KCNB2: variants seen among roughly 807,000 people sequenced by gnomAD.
The protein encoded by KCNB2 is delayed rectifier potassium channel protein.
Under a neutral mutation model 61.5 loss-of-function variants are expected in KCNB2, and 15 were observed. The ratio of observed to expected loss-of-function variants is 0.24; its 90% CI spans 0.16 to 0.38. The LOEUF is 0.38. Ranked by LOEUF, KCNB2 falls within the 10% of genes least tolerant of loss-of-function variation. The pLI, the probability that KCNB2 is intolerant of heterozygous loss-of-function variation, is 1.00. For missense variants in KCNB2, 828 were observed against 1,125.2 expected (o/e 0.74, Z 3.78); for synonymous variants, 457 against 446.0 (o/e 1.02, Z -0.31).
At chr8:72,653,946 A>T (rs1806251060) in intron 2 of KCNB2, among the ~76,000 whole-genome samples, 1 of 152,206 alleles carries the variant, frequency 6.6e-6, no homozygotes, top group Non-Finnish European at 1.5e-5. Context: ...TCTAATTTAG[A>T]GCAATTCATA....
chr8:72,719,965 GGC>G (rs1176410909), intron 2 of KCNB2, among the ~76,000 whole-genome samples: 4 of 152,178 alleles, frequency 2.6e-5, no homozygotes, highest in African/African-American at 7.2e-5. Flanking sequence ...AACCCTCAGA[GGC>G]TCTGAAGCAT....
chr8:72,933,079 G>T (rs1351741958), intron 2 of KCNB2, among the ~76,000 whole-genome samples: 1 of 152,164 alleles, frequency 6.6e-6, no homozygotes, highest in Non-Finnish European at 1.5e-5. Context: ...TTTCTTTAAC[G>T]TGAATATGGA....
chr8:72,647,026 G>A (rs1186861810), intron 2 of KCNB2, among the ~76,000 whole-genome samples: 1 of 152,092 alleles, frequency 6.6e-6, no homozygotes, highest in African/African-American at 2.4e-5. Flanking sequence ...AAAATGGAAC[G>A]GAGGGTTTCC....
intron 2 of KCNB2, among the ~76,000 whole-genome samples, chr8:72,617,293 C>T (rs1805634528): frequency 6.6e-6 from 1 of 152,128 alleles, no homozygotes; most frequent in Admixed American, 6.5e-5. Context: ...TGGAAGAAAA[C>T]ACTCTTATTT....
chr8:72,863,524 A>G (rs1156862775), intron 2 of KCNB2, among the ~76,000 whole-genome samples: 2 of 152,240 alleles, frequency 1.3e-5, no homozygotes, highest in African/African-American at 2.4e-5. Context: ...CAGCATCCCT[A>G]TCAGCAGTGC....
chr8:72,903,323 G>A (rs561547672), intron 2 of KCNB2, among the ~76,000 whole-genome samples: 1 of 152,272 alleles, frequency 6.6e-6, no homozygotes, highest in East Asian at 1.9e-4. Context: ...GTCCTGGCAG[G>A]GACTGCTGGT....
chr8:72,896,006 C>T (rs768066291), intron 2 of KCNB2, among the ~76,000 whole-genome samples: 3 of 151,960 alleles, frequency 2.0e-5, no homozygotes, highest in South Asian at 4.2e-4. Context: ...GGCATAATAT[C>T]CTTGAGCCTT....
rs193181504 is a variant in KCNB2 at position 72,891,619 on chromosome 8, C to T, written c.580-44316C>T. On this transcript the variant is annotated intron_variant, in intron 2 of 2. Coordinates refer to ENST00000523207, the MANE Select transcript of KCNB2 (RefSeq NM_004770.3). ...CCATTTTGGCACTTAAGTACAACAC[C>T]TAAACTGCAGACAGAACTTCGATGA... is the stretch of plus-strand genomic sequence containing the variant. Among the ~76,000 whole-genome samples, 25 of 152,292 alleles carry T rather than the reference C, an allele frequency of 1.6e-4. 1 individual carries two copies. Among genetic ancestry groups the T allele is most frequent in the Admixed American group, 1.6e-3 (24 of 15,294 alleles).
intron 2 of KCNB2, among the ~76,000 whole-genome samples, chr8:72,914,927 CAG>C (rs1287227214): frequency 1.4e-5 from 2 of 143,118 alleles, no homozygotes; most frequent in Non-Finnish European, 3.0e-5. Context: ...TTTTTTGAGA[CAG>C]AGTCTCATTC....
At chr8:72,574,578 T>C (rs1199060263) in intron 2 of KCNB2, among the ~76,000 whole-genome samples, 2 of 152,226 alleles carry the variant, frequency 1.3e-5, no homozygotes, top group East Asian at 3.8e-4. Flanking sequence ...AGGGCCAGTC[T>C]TAATTTCCAA....
chr8:72,577,147 G>T (rs1585762008), intron 2 of KCNB2, among the ~76,000 whole-genome samples: 1 of 152,036 alleles, frequency 6.6e-6, no homozygotes, highest in Non-Finnish European at 1.5e-5. Context: ...TTAAGTAAAA[G>T]AATTCCTCTG....
At chr8:72,752,846 A>C (rs1216801765) in intron 2 of KCNB2, among the ~76,000 whole-genome samples, 3 of 152,214 alleles carry the variant, frequency 2.0e-5, no homozygotes, top group Non-Finnish European at 4.4e-5. Flanking sequence ...GATATCACAC[A>C]CACTCTACTC....
At chr8:72,709,468 C>T (rs1807289318) in intron 2 of KCNB2, among the ~76,000 whole-genome samples, 1 of 151,712 alleles carries the variant, frequency 6.6e-6, no homozygotes, top group Non-Finnish European at 1.5e-5. Context: ...ACGGTGCCGG[C>T]ATCTGCTTGG....
chr8:72,613,661 T>C (rs991397515), intron 2 of KCNB2, among the ~76,000 whole-genome samples: 2 of 152,222 alleles, frequency 1.3e-5, no homozygotes, highest in Non-Finnish European at 2.9e-5. Flanking sequence ...ACATTGGTCT[T>C]TCCTAGCCAC....
chr8:72,870,389 T>C (rs569632602), intron 2 of KCNB2, among the ~76,000 whole-genome samples: 1 of 152,338 alleles, frequency 6.6e-6, no homozygotes, highest in South Asian at 2.1e-4. Context: ...AATTGTATAA[T>C]TGCATTGAGA....
At position 72,568,029 on chromosome 8, in the gene KCNB2, A is replaced by G. The variant is rs747398077; in HGVS notation, c.295A>G (p.Ile99Val). The G allele has an allele frequency of 3.7e-6, 6 of 1,614,004 alleles. No individual in the cohort carries two copies. In the Admixed American group the frequency reaches 5.0e-5, roughly 13 times the overall value. ...TCGGCATCCAGGAGCCTTCACTTCC[A>G]TTTTAAATTTCTACCGGACCGGGAA... ...FDRHPGAFTS[I>V]LNFYRTGKLH... Residue 99 changes from isoleucine to valine, a missense_variant, in exon 2 of 3, where the codon ATT becomes GTT. Around this residue, in one of 4 missense-constraint regions of KCNB2, gnomAD observed 163 missense variants for 314.4 expected, o/e 0.52. Coordinates refer to ENST00000523207, the MANE Select transcript of KCNB2 (RefSeq NM_004770.3).
At chr8:72,890,704 A>G (rs1361357429) in intron 2 of KCNB2, among the ~76,000 whole-genome samples, 1 of 152,210 alleles carries the variant, frequency 6.6e-6, no homozygotes, top group Non-Finnish European at 1.5e-5. Flanking sequence ...ACTGAGGCTC[A>G]GAGAAGTCAG....
intron 2 of KCNB2, among the ~76,000 whole-genome samples, chr8:72,715,354 C>G (rs1284042528): frequency 6.6e-6 from 1 of 152,078 alleles, no homozygotes; most frequent in Non-Finnish European, 1.5e-5. Context: ...TCAACAGAAT[C>G]TACATTCTTT....
chr8:72,690,038 T>TA (rs5892360), intron 2 of KCNB2, among the ~76,000 whole-genome samples: 1,916 of 148,592 alleles, frequency 0.013, 28 homozygotes, highest in African/African-American at 0.04. Flanking sequence ...GCCCTCGCCA[T>TA]AAAAAAAAAA....
Sources: gnomAD v4.1 joint callset for allele counts (sites outside exome capture counted in the v4.1 genomes callset) on GRCh38, gnomAD v4.1.1 for gene constraint, gnomAD v4.1.1 regional missense constraint, MANE v1.5 for transcripts, NCBI Gene and HGNC (gene_info 2026-07-23, HGNC 2026-07-21) for gene names.